Variants in ADGRL2 observed in about 807,000 individuals in gnomAD.
ADGRL2 encodes calcium-independent alpha-latrotoxin receptor 2.
A neutral mutation model predicts 157.4 loss-of-function variants in ADGRL2; 44 were observed. The ratio of observed to expected loss-of-function variants is 0.28; its 90% CI spans 0.22 to 0.36. The LOEUF (loss-of-function observed/expected upper bound fraction) is 0.36. Ranked by LOEUF, ADGRL2 falls within the 10% of genes least tolerant of loss-of-function variation. ADGRL2 has a pLI of 1.00. For synonymous variants in ADGRL2, 585 were observed against 624.7 expected (o/e 0.94, Z 0.95); for missense variants, 1,510 against 1,768.9 (o/e 0.85, Z 2.63).
In ADGRL2 at chr1:81,487,428, T is replaced by G. The variant is rs565419368; in HGVS notation, c.-248+42339T>G. Among the ~76,000 whole-genome samples the G allele has an allele frequency of 2.3e-3, 343 of 152,268 alleles. 1 individual carries two copies. The highest frequency in any genetic ancestry group is 8.0e-3 in the African/African-American group (334 of 41,552). ...GGGAGGCTGAGGCAGGCAGATCACC[T>G]GAGGTTAGGAGTTCAAGACCAGCCT... On this transcript the variant is annotated intron_variant, in intron 2 of 24. Coordinates refer to the ADGRL2 transcript ENST00000370721.
chr1:81,604,579 C>T (rs2081396058), intron 3 of ADGRL2, among the ~76,000 whole-genome samples: 1 of 152,152 alleles, frequency 6.6e-6, no homozygotes, highest in African/African-American at 2.4e-5. Context: ...GCTTTCAAAC[C>T]TTACAAGTGA....
At chr1:81,710,440 G>GA (rs1349609274) in intron 1 of ADGRL2, among the ~76,000 whole-genome samples, 1 of 151,698 alleles carries the variant, frequency 6.6e-6, no homozygotes, top group Admixed American at 6.6e-5. Context: ...CCAACATGGT[G>GA]AAACCTCATC....
At chr1:81,400,978 G>C (rs1411359728) in intron 1 of ADGRL2, among the ~76,000 whole-genome samples, 1 of 152,126 alleles carries the variant, frequency 6.6e-6, no homozygotes, top group Non-Finnish European at 1.5e-5. Flanking sequence ...ATTTTCTCAG[G>C]GAACAATGTG....
chr1:81,845,169 A>G (rs1170801056), intron 2 of ADGRL2, among the ~76,000 whole-genome samples: 1 of 152,092 alleles, frequency 6.6e-6, no homozygotes, highest in East Asian at 1.9e-4. Context: ...TTACTATGCC[A>G]TTACATATTT....
At chr1:81,884,152 A>C (rs1469605232) in intron 2 of ADGRL2, among the ~76,000 whole-genome samples, 1 of 151,728 alleles carries the variant, frequency 6.6e-6, no homozygotes, top group Non-Finnish European at 1.5e-5. Context: ...CTCCCAACTA[A>C]CTTTTGTACT....
At position 81,383,526 on chromosome 1, in the gene ADGRL2, A is replaced by G. The variant is rs552055006; in HGVS notation, c.-301-61510A>G. Among the ~76,000 whole-genome samples the G allele has an allele frequency of 4.6e-5, 7 of 152,218 alleles. No individual in the cohort carries two copies. The East Asian group carries it at 9.7e-4, about 21-fold the overall frequency. Reference sequence around the variant, plus strand: ...GAAAAGAGTTTGTCAAAAAAGCTCAACTTCTCTGATAATTTTTTAAAATGC... The same window carrying G: ...GAAAAGAGTTTGTCAAAAAAGCTCAGCTTCTCTGATAATTTTTTAAAATGC... On this transcript the variant is annotated intron_variant, in intron 1 of 24. Coordinates refer to the ADGRL2 transcript ENST00000370721.
chr1:81,693,312 C>A (rs969665018), intron 3 of ADGRL2, among the ~76,000 whole-genome samples: 1 of 152,336 alleles, frequency 6.6e-6, no homozygotes, highest in Admixed American at 6.5e-5. Flanking sequence ...TTCCCCTGCT[C>A]TCTGCAGCTG....
chr1:81,908,975 A>G (rs2094647421), intron 3 of ADGRL2, among the ~76,000 whole-genome samples: 1 of 151,494 alleles, frequency 6.6e-6, no homozygotes, highest in Admixed American at 6.6e-5. Flanking sequence ...CCTGGGTTCA[A>G]GCAATTCTCA....
intron 2 of ADGRL2, among the ~76,000 whole-genome samples, chr1:81,781,101 A>G (rs1239549210): frequency 6.6e-6 from 1 of 152,056 alleles, no homozygotes; most frequent in Non-Finnish European, 1.5e-5. Flanking sequence ...CCCTCTGTCT[A>G]TGAGCTGCTT....
At chr1:81,415,399 T>C (rs2077015292) in intron 1 of ADGRL2, among the ~76,000 whole-genome samples, 1 of 152,104 alleles carries the variant, frequency 6.6e-6, no homozygotes, top group Non-Finnish European at 1.5e-5. Flanking sequence ...TACAGACTAG[T>C]CCATTAATTT....
chr1:81,593,404 C>A (rs192864687), intron 3 of ADGRL2, among the ~76,000 whole-genome samples: 36 of 152,256 alleles, frequency 2.4e-4, no homozygotes, highest in African/African-American at 8.7e-4. Flanking sequence ...GTTTCCTAAT[C>A]TGTAAATTGG....
chr1:81,603,349 A>G (rs771361798), intron 3 of ADGRL2, among the ~76,000 whole-genome samples: 28 of 152,046 alleles, frequency 1.8e-4, no homozygotes, highest in Non-Finnish European at 3.7e-4. Context: ...ATGTGTATGC[A>G]TGTGTGTGTG....
chr1:81,349,488 A>G (rs1662716288), intron 1 of ADGRL2, among the ~76,000 whole-genome samples: 1 of 152,198 alleles, frequency 6.6e-6, no homozygotes. Context: ...GATCACAGGA[A>G]TGGCAGGAAT....
intron 2 of ADGRL2, among the ~76,000 whole-genome samples, chr1:81,568,634 G>A (rs915849496): frequency 3.3e-5 from 5 of 152,132 alleles, no homozygotes; most frequent in African/African-American, 1.2e-4. Flanking sequence ...GTTTTTGAAT[G>A]AACGTTGGTT....
chr1:81,810,057 G>A (rs1216653375), intron 1 of ADGRL2, among the ~76,000 whole-genome samples: 4 of 151,842 alleles, frequency 2.6e-5, no homozygotes, highest in African/African-American at 4.8e-5. Context: ...CTGGGGGTGG[G>A]TTAGGTGACC....
At chr1:81,501,526 T>C (rs1399229561) in intron 2 of ADGRL2, among the ~76,000 whole-genome samples, 1 of 152,256 alleles carries the variant, frequency 6.6e-6, no homozygotes, top group Non-Finnish European at 1.5e-5. Context: ...CTTGGTTCAC[T>C]CATCGAGGCA....
intron 6 of ADGRL2, among the ~76,000 whole-genome samples, chr1:81,946,159 T>C (rs1319269279): frequency 6.6e-6 from 1 of 152,158 alleles, no homozygotes; most frequent in Admixed American, 6.5e-5. Context: ...GGATTTGCTA[T>C]CACATATATG....
chr1:81,892,517 T>C (rs1475541774), intron 2 of ADGRL2, among the ~76,000 whole-genome samples: 1 of 152,138 alleles, frequency 6.6e-6, no homozygotes, highest in Admixed American at 6.6e-5. Flanking sequence ...TGTTTTACTA[T>C]CTTTAATCTG....
chr1:81,733,988 TA>T (rs1425475980), intron 1 of ADGRL2, among the ~76,000 whole-genome samples: 1 of 152,014 alleles, frequency 6.6e-6, no homozygotes, highest in African/African-American at 2.4e-5. Flanking sequence ...ACTTAAACGT[TA>T]AAAAAGGCTG....
Sources: gnomAD v4.1 joint callset for allele counts (sites outside exome capture counted in the v4.1 genomes callset) on GRCh38, gnomAD v4.1.1 for gene constraint, MANE v1.5 for transcripts, NCBI Gene and HGNC (gene_info 2026-07-23, HGNC 2026-07-21) for gene names.